The following VMA22 variants were observed in gnomAD, a reference collection of about 807,000 sequenced individuals.
VMA22 encodes the protein vacuolar ATPase assembly protein VMA22.
chr2:130,341,016 T>C, the VMA22 span: 3 of 1,611,626 alleles, frequency 1.9e-6, no homozygotes, highest in African/African-American at 4.0e-5. Context: ...GGGGTCTTAG[T>C]GGGGCCCTTG....
chr2:130,341,433 T>G, the VMA22 span: 2 of 571,124 alleles, frequency 3.5e-6, no homozygotes, highest in African/African-American at 3.8e-5. Context: ...ATATTTTCTG[T>G]TCAGCTGACT....
At chr2:130,339,318 G>C in the VMA22 span, 1 of 1,393,758 alleles carries the variant, frequency 7.2e-7, no homozygotes, top group East Asian at 2.5e-5. Flanking sequence ...AAATTGGAAA[G>C]GCTTCAGGCC....
chr2:130,340,814 C>T, the VMA22 span: 2 of 1,498,858 alleles, frequency 1.3e-6, no homozygotes, highest in Non-Finnish European at 1.9e-6. Context: ...CAAAGCCTTT[C>T]ACAGACTAAC....
At chr2:130,341,178 A>G in the VMA22 span, 1 of 1,000,292 alleles carries the variant, frequency 1.0e-6, no homozygotes, top group Non-Finnish European at 1.4e-6. Context: ...GGGTTCCAGG[A>G]AACAGCTTAC....
At chr2:130,342,048 C>G in the VMA22 span, 1 of 1,614,006 alleles carries the variant, frequency 6.2e-7, no homozygotes, top group Non-Finnish European at 8.5e-7. Context: ...CCGTTCGTTT[C>G]CCCTCCAGCT....
chr2:130,339,332 C>G, the VMA22 span: 1 of 1,347,502 alleles, frequency 7.4e-7, no homozygotes, highest in Non-Finnish European at 1.0e-6. Flanking sequence ...TCAGGCCTCT[C>G]TGCCCCCCAC....
the VMA22 span, chr2:130,341,934 G>C: frequency 6.2e-7 from 1 of 1,613,510 alleles, no homozygotes; most frequent in African/African-American, 1.3e-5. Flanking sequence ...CTTGGCGAGC[G>C]AGAGCCAGCC....
the VMA22 span, chr2:130,339,375 C>A: frequency 4.4e-6 from 6 of 1,352,130 alleles, no homozygotes; most frequent in African/African-American, 7.3e-5. Context: ...TACGGCCCTG[C>A]ATTGGCTGCT....
At chr2:130,342,261 C>A in the VMA22 span, 1 of 1,523,638 alleles carries the variant, frequency 6.6e-7, no homozygotes, top group Non-Finnish European at 8.8e-7. Context: ...GCACCAAGGC[C>A]TCTGGGTCAG....
At chr2:130,340,495 G>A in the VMA22 span, 50 of 281,400 alleles carry the variant, frequency 1.8e-4, no homozygotes, top group Non-Finnish European at 3.0e-4. Context: ...TCCATCTAGA[G>A]CACTGTTCCC....
the VMA22 span, chr2:130,341,801 G>GCACCCCC: frequency 7.3e-7 from 1 of 1,378,140 alleles, no homozygotes; most frequent in South Asian, 1.3e-5. Context: ...CCTAGAACGC[G>GCACCCCC]CCCGCCCGCC....
At chr2:130,339,075 G>A in the VMA22 span, 1 of 1,452,110 alleles carries the variant, frequency 6.9e-7, no homozygotes, top group Middle Eastern at 1.9e-4. Flanking sequence ...ACGTAGCCAT[G>A]TCGGAGAACA....
the VMA22 span, chr2:130,341,020 GC>G: frequency 9.9e-6 from 16 of 1,610,842 alleles, no homozygotes; most frequent in Non-Finnish European, 1.4e-5. Context: ...TCTTAGTGGG[GC>G]CCTTGCGCCT....
At chr2:130,341,142 C>G in the VMA22 span, 1 of 1,376,208 alleles carries the variant, frequency 7.3e-7, no homozygotes, top group Non-Finnish European at 9.6e-7. Flanking sequence ...CTATAAAACA[C>G]TGTTGGTTGG....
At chr2:130,340,513 A>C in the VMA22 span, 2 of 275,100 alleles carry the variant, frequency 7.3e-6, no homozygotes, top group East Asian at 2.5e-4. Context: ...CCCCAAAATC[A>C]CCCACAAAGC....
chr2:130,339,228 C>A, the VMA22 span: 29 of 1,613,898 alleles, frequency 1.8e-5, no homozygotes, highest in African/African-American at 1.6e-4. Flanking sequence ...CGGCCAGCTG[C>A]AGGCCTGGAG....
chr2:130,339,800 C>T, the VMA22 span: 1 of 1,296,800 alleles, frequency 7.7e-7, no homozygotes, highest in Non-Finnish European at 1.0e-6. Flanking sequence ...CCTTGACTGG[C>T]TTCTCCCCTC....
the VMA22 span, chr2:130,339,339 C>T: frequency 7.5e-7 from 1 of 1,329,664 alleles, no homozygotes; most frequent in South Asian, 1.4e-5. Context: ...TCTCTGCCCC[C>T]CACACTTGTC....
the VMA22 span, chr2:130,341,403 C>T: frequency 1.8e-6 from 1 of 554,636 alleles, no homozygotes; most frequent in Non-Finnish European, 3.2e-6. Flanking sequence ...CCCTCTGAAA[C>T]TAGCTAGACA....
Sources: gnomAD v4.1 joint callset for allele counts on GRCh38, gnomAD v4.1.1 for gene constraint, MANE v1.5 for transcripts, NCBI Gene and HGNC (gene_info 2026-07-23, HGNC 2026-07-21) for gene names.